The following FAF1 variants were observed in gnomAD, a reference collection of about 807,000 sequenced individuals.
FAF1 encodes FAS-associated factor 1.
In FAF1, 25 loss-of-function variants were observed where a neutral mutation model predicts 92.5. That is an observed-to-expected ratio of 0.27 (90% CI 0.20 to 0.38). The LOEUF is 0.38. Ranked by LOEUF, FAF1 falls within the 10% of genes least tolerant of loss-of-function variation. The probability of loss-of-function intolerance (pLI) is 1.00; values close to 1 mark genes in which losing one functional copy is unlikely to be tolerated. For missense variants in FAF1, 636 were observed against 793.3 expected, an observed-to-expected ratio of 0.80 and a Z score of 2.38; for synonymous variants, 234 against 273.2, an observed-to-expected ratio of 0.86 and a Z score of 1.42.
intron 1 of FAF1, among the ~76,000 whole-genome samples, chr1:50,865,017 A>G (rs1644468420): frequency 6.6e-6 from 1 of 152,242 alleles, no homozygotes; most frequent in Non-Finnish European, 1.5e-5. Context: ...CCCATCAAAA[A>G]GTGGGCGAAG....
chr1:50,659,257 G>A (rs1307792980), intron 7 of FAF1, among the ~76,000 whole-genome samples: 9 of 151,646 alleles, frequency 5.9e-5, no homozygotes, highest in Non-Finnish European at 1.2e-4. Flanking sequence ...GAGGGGGAAG[G>A]GAAAGGGAGA....
chr1:50,448,738 C>T (rs906332125), intron 18 of FAF1, among the ~76,000 whole-genome samples: 7 of 152,178 alleles, frequency 4.6e-5, no homozygotes, highest in Non-Finnish European at 8.8e-5. Context: ...TCAACTTTTC[C>T]GGTAACAAAG....
At chr1:50,486,758 A>G (rs149498265) in intron 17 of FAF1, among the ~76,000 whole-genome samples, 9 of 152,330 alleles carry the variant, frequency 5.9e-5, no homozygotes, top group African/African-American at 2.2e-4. Flanking sequence ...CACCTGATTT[A>G]ATAATTTGCA....
intron 5 of FAF1, among the ~76,000 whole-genome samples, chr1:50,744,241 C>T (rs1659502520): frequency 6.6e-6 from 1 of 152,170 alleles, no homozygotes; most frequent in African/African-American, 2.4e-5. Context: ...TATTTAAATT[C>T]TCCAAGTTTA....
chr1:50,948,139 G>A (rs1042000209), intron 1 of FAF1, among the ~76,000 whole-genome samples: 2 of 152,218 alleles, frequency 1.3e-5, no homozygotes, highest in African/African-American at 4.8e-5. Flanking sequence ...AAGGTAGGAG[G>A]TGGTTTTTGA....
chr1:50,536,137 AT>A (rs558241303), intron 14 of FAF1, among the ~76,000 whole-genome samples: 1 of 152,172 alleles, frequency 6.6e-6, no homozygotes, highest in South Asian at 2.1e-4. Flanking sequence ...CCCAATTGAT[AT>A]TTCTCCCTTT....
At chr1:50,676,107 A>G (rs1569738228) in intron 7 of FAF1, among the ~76,000 whole-genome samples, 1 of 152,212 alleles carries the variant, frequency 6.6e-6, no homozygotes, top group Non-Finnish European at 1.5e-5. Context: ...TCATATGAAC[A>G]TTTGAAAATG....
At chr1:50,907,303 T>G (rs890288200) in intron 1 of FAF1, among the ~76,000 whole-genome samples, 3 of 152,260 alleles carry the variant, frequency 2.0e-5, no homozygotes, top group African/African-American at 7.2e-5. Context: ...TGAGGATTTC[T>G]GCATCGATGT....
rs1157490110 is a variant in FAF1, at chr1:50,881,339, G to T, written c.46-23342C>A. Among the ~76,000 whole-genome samples the T allele has an allele frequency of 3.3e-5, 5 of 152,264 alleles. No individual in the cohort carries two copies. In the East Asian group the frequency reaches 7.7e-4, roughly 23 times the overall value. ...CTGGCACAGAAATATTTTTGGTATTGTTCTTGTGCACATGCTGTTTCCTCA... is the reference window on the plus strand; with the variant it reads ...CTGGCACAGAAATATTTTTGGTATTTTTCTTGTGCACATGCTGTTTCCTCA... On this transcript the variant is annotated intron_variant, in intron 1 of 18. Coordinates refer to ENST00000396153, the MANE Select transcript of FAF1 (RefSeq NM_007051.3).
chr1:50,450,163 C>T (rs1259035661), intron 18 of FAF1, among the ~76,000 whole-genome samples: 2 of 148,094 alleles, frequency 1.4e-5, no homozygotes, highest in Non-Finnish European at 3.0e-5. Flanking sequence ...CACTGTACTC[C>T]AGCCTGGGTG....
rs186684737 is a variant in FAF1, at chr1:50,790,836, C to T, written c.162-2631G>A. ...ATTTCCTTCATACTATTGCTTTGAA[C>T]AGTGTTCATCAAACTATAGATTACA... On this transcript the variant is annotated intron_variant, in intron 3 of 18. Coordinates refer to ENST00000396153, the MANE Select transcript of FAF1 (RefSeq NM_007051.3). 1.2e-4 allele frequency among the ~76,000 whole-genome samples: 19 copies of T among 152,034 alleles called. No homozygotes were observed. The East Asian group carries it at 3.1e-3, about 25-fold the overall frequency.
chr1:50,712,966 A>G (rs1658000838), intron 6 of FAF1, among the ~76,000 whole-genome samples: 1 of 151,916 alleles, frequency 6.6e-6, no homozygotes, highest in South Asian at 2.1e-4. Context: ...GTTCTAGACT[A>G]GCCTGGGCAA....
chr1:50,708,844 C>T (rs930227443), intron 6 of FAF1, among the ~76,000 whole-genome samples: 5 of 152,192 alleles, frequency 3.3e-5, no homozygotes, highest in South Asian at 2.1e-4. Flanking sequence ...GGATCAGTTA[C>T]GCCAAATGCT....
chr1:50,680,651 C>A (rs1183538096), intron 7 of FAF1, among the ~76,000 whole-genome samples: 1 of 151,574 alleles, frequency 6.6e-6, no homozygotes, highest in Non-Finnish European at 1.5e-5. Flanking sequence ...CCATTGCACT[C>A]CAGCCTGGGC....
chr1:50,473,961 A>G (rs1646606379), intron 18 of FAF1, among the ~76,000 whole-genome samples: 1 of 152,244 alleles, frequency 6.6e-6, no homozygotes, highest in African/African-American at 2.4e-5. Flanking sequence ...TTCAGAGCTA[A>G]GCAAGTCCAA....
intron 7 of FAF1, among the ~76,000 whole-genome samples, chr1:50,672,875 C>G (rs750667149): frequency 6.6e-6 from 1 of 152,030 alleles, no homozygotes; most frequent in Non-Finnish European, 1.5e-5. Context: ...TCTCAGCACT[C>G]TAGGGGCTGA....
chr1:50,515,484 C>A (rs904411270), intron 15 of FAF1, among the ~76,000 whole-genome samples: 1 of 152,106 alleles, frequency 6.6e-6, no homozygotes, highest in Non-Finnish European at 1.5e-5. Flanking sequence ...TTCAGTAGGT[C>A]TAGCTTGGAA....
intron 4 of FAF1, chr1:50,781,141 G>C (rs1661162347): frequency 3.8e-6 from 1 of 265,230 alleles, no homozygotes; most frequent in Non-Finnish European, 7.3e-6. Flanking sequence ...ACTCCTCCGG[G>C]TGCCCCGGTG....
At chr1:50,798,271 C>T (rs1661840163) in intron 3 of FAF1, among the ~76,000 whole-genome samples, 1 of 152,146 alleles carries the variant, frequency 6.6e-6, no homozygotes, top group Non-Finnish European at 1.5e-5. Context: ...TCTAGGTGTT[C>T]TCAATGAATT....
Sources: gnomAD v4.1 joint callset for allele counts (sites outside exome capture counted in the v4.1 genomes callset) on GRCh38, gnomAD v4.1.1 for gene constraint, MANE v1.5 for transcripts, NCBI Gene and HGNC (gene_info 2026-07-23, HGNC 2026-07-21) for gene names.